The following ZNF609 variants were observed in gnomAD, a reference collection of about 807,000 sequenced individuals.
The protein encoded by ZNF609 is zinc finger protein 609.
Under a neutral mutation model 109.5 loss-of-function variants are expected in ZNF609, and 11 were observed. The ratio of observed to expected loss-of-function variants is 0.10; its 90% CI spans 0.06 to 0.17. ZNF609 has a LOEUF of 0.17. Among genes scored for constraint, ZNF609 ranks in the 10% least tolerant of loss-of-function variants. The pLI, the probability that ZNF609 is intolerant of heterozygous loss-of-function variation, is 1.00. For synonymous variants in ZNF609, 646 were observed against 662.0 expected, an observed-to-expected ratio of 0.98 and a Z score of 0.37; for missense variants, 1,559 against 1,772.4, an observed-to-expected ratio of 0.88 and a Z score of 2.16.
At chr15:64,529,162 A>G (rs765991572) in intron 2 of ZNF609, 5 of 743,388 alleles carry the variant, frequency 6.7e-6, no homozygotes, top group African/African-American at 1.7e-5. Flanking sequence ...TCCTTCTATG[A>G]TACCAAAGTT....
At chr15:64,579,337 G>A (rs1895055215) in intron 2 of ZNF609, among the ~76,000 whole-genome samples, 1 of 151,436 alleles carries the variant, frequency 6.6e-6, no homozygotes, top group African/African-American at 2.4e-5. Context: ...GTTGAGCCCA[G>A]GAGGTCAAGC....
Position 64,680,662 on chromosome 15 carries a change from C to T in ZNF609, c.3962C>T (p.Ser1321Phe), listed in dbSNP as rs750386281. Reference sequence around the variant, plus strand: ...CCTTTCCAGATAAGTGATAAAACTTCTCAGGAGAGAGATCGAGGAGGCTGT... The same window carrying T: ...CCTTTCCAGATAAGTGATAAAACTTTTCAGGAGAGAGATCGAGGAGGCTGT... The part of the protein sequence containing the change: ...SKSPTISDKT[S>F]QERDRGGCGV... Residue 1321 changes from serine (S) to phenylalanine (F), a missense_variant, in exon 8 of 10, where the codon TCT becomes TTT. Coordinates refer to ENST00000326648, the MANE Select transcript of ZNF609 (RefSeq NM_015042.2). 3.1e-6 allele frequency: 5 copies of T among 1,598,304 alleles called. No homozygotes were observed. Among genetic ancestry groups the T allele is most frequent in the Non-Finnish European group, 4.3e-6 (5 of 1,171,878 alleles).
At position 64,499,881 on chromosome 15, in the gene ZNF609, C is replaced by T. The variant is rs758017823; in HGVS notation, c.462C>T (p.Ala154=). The T allele has an allele frequency of 1.4e-5, 23 of 1,613,798 alleles. No individual in the cohort carries two copies. The highest frequency in any genetic ancestry group is 8.3e-5 in the Admixed American group (5 of 59,974). ...CGGCTAAGGCATCCCGCAGTGTAGC[C>T]GGTTCCAAAAAGGAGAAGGAGAACA... is the stretch of plus-strand genomic sequence containing the variant. The part of the protein sequence containing the change: ...EKAAKASRSV[A]GSKKEKENSS... The change falls in exon 2 of 10, where the codon GCC becomes GCT. Residue 154 remains alanine, a synonymous_variant. Transcript: ENST00000326648.
At chr15:64,511,978 G>T (rs2140358444) in intron 2 of ZNF609, among the ~76,000 whole-genome samples, 1 of 151,750 alleles carries the variant, frequency 6.6e-6, no homozygotes, top group African/African-American at 2.4e-5. Context: ...CTCCCAAAGT[G>T]CTGGGATTAC....
intron 2 of ZNF609, among the ~76,000 whole-genome samples, chr15:64,621,700 G>A (rs1895878680): frequency 6.6e-6 from 1 of 151,652 alleles, no homozygotes; most frequent in Non-Finnish European, 1.5e-5. Flanking sequence ...CATTCTTCTT[G>A]GAACCTAACT....
At chr15:64,562,606 T>C (rs561426005) in intron 2 of ZNF609, among the ~76,000 whole-genome samples, 1 of 152,322 alleles carries the variant, frequency 6.6e-6, no homozygotes, top group South Asian at 2.1e-4. Context: ...GATCAGTCTA[T>C]ATAATTATAT....
chr15:64,496,728 G>C (rs1045311455), intron 1 of ZNF609, among the ~76,000 whole-genome samples: 2 of 152,144 alleles, frequency 1.3e-5, no homozygotes, highest in Non-Finnish European at 2.9e-5. Flanking sequence ...TGGAGGCCAA[G>C]TCTTCTTGTG....
upstream of ZNF609, among the ~76,000 whole-genome samples, chr15:64,460,576 C>G (rs950977058): frequency 3.9e-5 from 6 of 152,080 alleles, no homozygotes; most frequent in African/African-American, 1.4e-4. Context: ...CCGGGTGACT[C>G]TGGTTGTCCC....
intron 3 of ZNF609, among the ~76,000 whole-genome samples, chr15:64,638,093 T>C (rs932821831): frequency 4.4e-4 from 65 of 146,602 alleles, no homozygotes; most frequent in African/African-American, 1.5e-3. Flanking sequence ...TTGTTTAGGA[T>C]GTAAGTTGGA....
At chr15:64,640,783 A>G (rs1007861845) in intron 3 of ZNF609, among the ~76,000 whole-genome samples, 2 of 152,200 alleles carry the variant, frequency 1.3e-5, no homozygotes, top group Non-Finnish European at 2.9e-5. Context: ...CCATGGCTGC[A>G]GGATATGGTT....
chr15:64,656,966 T>C (rs1402575703), intron 3 of ZNF609, among the ~76,000 whole-genome samples: 1 of 152,126 alleles, frequency 6.6e-6, no homozygotes, highest in East Asian at 1.9e-4. Context: ...CGGAGTATGG[T>C]AAGTAGTATG....
Position 64,685,700 on chromosome 15 carries a change from G to A in ZNF609, c.*4014G>A, listed in dbSNP as rs2083236321. On this transcript the variant is annotated 3_prime_UTR_variant, in exon 10 of 10. Coordinates refer to ENST00000326648, the MANE Select transcript of ZNF609 (RefSeq NM_015042.2). Reference sequence around the variant, plus strand: ...TTTAAACCTGCCTGGGAGTTAGGACGGATGGTTTTAGGAATGACCGGAAAA... The same window carrying A: ...TTTAAACCTGCCTGGGAGTTAGGACAGATGGTTTTAGGAATGACCGGAAAA... 6.6e-6 allele frequency: 1 copy of A among 152,588 alleles called. No homozygotes were observed. The highest frequency in any genetic ancestry group is 2.4e-5 in the African/African-American group (1 of 41,386). The allele number at this position is 152,588 out of a possible 1,614,324, so 9.5% of individuals were successfully genotyped here.
chr15:64,661,069 C>T (rs1238342187), intron 3 of ZNF609, among the ~76,000 whole-genome samples: 1 of 152,154 alleles, frequency 6.6e-6, no homozygotes, highest in African/African-American at 2.4e-5. Context: ...TCAAGTGATT[C>T]TCCTGCCTCA....
chr15:64,640,285 A>G (rs763167084), intron 3 of ZNF609, among the ~76,000 whole-genome samples: 2 of 151,868 alleles, frequency 1.3e-5, no homozygotes, highest in African/African-American at 2.4e-5. Context: ...GCAGCCTCCC[A>G]TCTTGGCCTC....
Position 64,576,937 on chromosome 15 carries a change from T to C in ZNF609, c.748-45890T>C, listed in dbSNP as rs143443485. On this transcript the variant is annotated intron_variant, in intron 2 of 9. Transcript: ENST00000326648. ...ATATACATATATGTGTATATATACA[T>C]ATAAATATATACATATATGTATATA... is the stretch of plus-strand genomic sequence containing the variant. Among the ~76,000 whole-genome samples the C allele has an allele frequency of 8.8e-3, 970 of 110,184 alleles. 16 individuals carry two copies. Among genetic ancestry groups the C allele is most frequent in the African/African-American group, 0.028 (906 of 32,602 alleles). The allele number at this position is 110,184 out of a possible 152,430, so 72.3% of individuals were successfully genotyped here.
At chr15:64,504,863 CCTCACTTATGCACTTCTGCCTTGGT>C (rs1226506932) in intron 2 of ZNF609, among the ~76,000 whole-genome samples, 2 of 151,878 alleles carry the variant, frequency 1.3e-5, no homozygotes, top group African/African-American at 2.4e-5. Flanking sequence ...TCTGCCTTGG[CCTCACTTATGCACTTCTGCCTTGGT>C]CTCACTTATG....
At chr15:64,642,942 A>C (rs1468885521) in intron 3 of ZNF609, among the ~76,000 whole-genome samples, 1 of 152,154 alleles carries the variant, frequency 6.6e-6, no homozygotes, top group Non-Finnish European at 1.5e-5. Flanking sequence ...TAGTTTCTTC[A>C]TTTCTGGAGG....
At chr15:64,586,400 T>C (rs916762392) in intron 2 of ZNF609, among the ~76,000 whole-genome samples, 2 of 152,008 alleles carry the variant, frequency 1.3e-5, no homozygotes, top group Non-Finnish European at 2.9e-5. Flanking sequence ...CCTTGATAGC[T>C]GCAGACTGGT....
intron 1 of ZNF609, among the ~76,000 whole-genome samples, chr15:64,490,309 C>T (rs373938118): frequency 1.2e-4 from 18 of 144,264 alleles, no homozygotes; most frequent in East Asian, 8.3e-4. Flanking sequence ...GTTTTGCTCC[C>T]GTTGCCCAGG....
Sources: allele counts gnomAD v4.1 joint callset (sites outside exome capture counted in the v4.1 genomes callset), GRCh38; gene constraint gnomAD v4.1.1; transcripts MANE v1.5; gene names NCBI Gene and HGNC (gene_info 2026-07-23, HGNC 2026-07-21).